FHIT: variants seen among roughly 807,000 people sequenced by gnomAD.
FHIT encodes bis(5'-adenosyl)-triphosphatase.
FHIT carries 19 observed loss-of-function variants against 17.9 expected under a neutral mutation model. The ratio of observed to expected loss-of-function variants is 1.06; its 90% CI spans 0.74 to 1.56. The LOEUF is 1.56. Among genes scored for constraint, FHIT ranks in the 40% most tolerant of loss-of-function variants. The probability of loss-of-function intolerance (pLI) is 0.00; values close to 1 mark genes in which losing one functional copy is unlikely to be tolerated. For synonymous variants in FHIT, 81 were observed against 69.7 expected (o/e 1.16, Z -0.81); for missense variants, 248 against 189.2 (o/e 1.31, Z -1.82).
At chr3:60,103,559 G>C (rs1394451559) in intron 5 of FHIT, among the ~76,000 whole-genome samples, 1 of 152,116 alleles carries the variant, frequency 6.6e-6, no homozygotes, top group Non-Finnish European at 1.5e-5. Context: ...ACAAGTAGAA[G>C]GTAAGGATTA....
intron 4 of FHIT, among the ~76,000 whole-genome samples, chr3:60,545,145 C>T (rs1362109542): frequency 6.6e-6 from 1 of 151,644 alleles, no homozygotes. Flanking sequence ...ATCCTTTTCA[C>T]ATAATACTGG....
intron 1 of FHIT, among the ~76,000 whole-genome samples, chr3:61,239,209 G>T (rs1243555384): frequency 6.6e-6 from 1 of 152,182 alleles, no homozygotes; most frequent in Non-Finnish European, 1.5e-5. Context: ...TCCAGGGACA[G>T]GAGCATTACC....
intron 3 of FHIT, among the ~76,000 whole-genome samples, chr3:60,954,207 A>T (rs534660452): frequency 6.2e-4 from 95 of 152,314 alleles, no homozygotes; most frequent in African/African-American, 2.2e-3. Context: ...AAGCATTCTG[A>T]CCTATACATA....
chr3:60,972,876 CTT>C (rs1468089710), intron 3 of FHIT, among the ~76,000 whole-genome samples: 1 of 152,118 alleles, frequency 6.6e-6, no homozygotes, highest in East Asian at 1.9e-4. Context: ...TTAAATTACA[CTT>C]ACTGTAATTT....
At chr3:59,790,285 G>A (rs576195195) in intron 8 of FHIT, among the ~76,000 whole-genome samples, 1 of 152,166 alleles carries the variant, frequency 6.6e-6, no homozygotes, top group Non-Finnish European at 1.5e-5. Flanking sequence ...TAAAAGGCAG[G>A]TGATAGCATT....
chr3:59,831,975 C>G (rs1049705828), intron 8 of FHIT, among the ~76,000 whole-genome samples: 4 of 152,094 alleles, frequency 2.6e-5, no homozygotes, highest in African/African-American at 9.7e-5. Flanking sequence ...CTCTCAACTA[C>G]TGGTCCTACT....
intron 5 of FHIT, among the ~76,000 whole-genome samples, chr3:60,440,255 C>T (rs1055083603): frequency 6.6e-6 from 1 of 152,058 alleles, no homozygotes; most frequent in Non-Finnish European, 1.5e-5. Context: ...GTCATCAGTT[C>T]CCAAGACTAG....
intron 3 of FHIT, among the ~76,000 whole-genome samples, chr3:60,937,828 CT>C (rs1708256728): frequency 6.6e-6 from 1 of 152,116 alleles, no homozygotes; most frequent in Admixed American, 6.5e-5. Flanking sequence ...TCCCAAAGTG[CT>C]GGGATTACAG....
intron 8 of FHIT, among the ~76,000 whole-genome samples, chr3:59,834,613 A>G (rs1034480609): frequency 2.0e-5 from 3 of 152,172 alleles, no homozygotes; most frequent in African/African-American, 7.2e-5. Flanking sequence ...CTGTATCCTC[A>G]CGTGGTGGAA....
chr3:60,166,325 TATTCCTATGTACA>T (rs1576236410), intron 5 of FHIT, among the ~76,000 whole-genome samples: 1 of 152,174 alleles, frequency 6.6e-6, no homozygotes, highest in East Asian at 1.9e-4. Flanking sequence ...ATGGGCCAAC[TATTCCTATGTACA>T]AATTGAAGAC....
Position 60,198,531 on chromosome 3 carries a change from G to A in FHIT, c.104-184379C>T, listed in dbSNP as rs762913334. ...AGGTGAGATATGCAAGATAGCTGTC[G>A]TGAGTTGTTTAATTTTCTTTTACTG... On this transcript the variant is annotated intron_variant, in intron 5 of 9. Coordinates refer to ENST00000492590, the MANE Select transcript of FHIT (RefSeq NM_002012.4). Among the ~76,000 whole-genome samples, 11 of 135,682 alleles carry A rather than the reference G, an allele frequency of 8.1e-5. No individual in the cohort carries two copies. In the East Asian group the frequency reaches 1.1e-3, roughly 13 times the overall value. 89.0% of individuals were successfully genotyped at this position (135,682 alleles called of 152,430 possible).
intron 8 of FHIT, among the ~76,000 whole-genome samples, chr3:59,916,300 G>C (rs964583189): frequency 4.6e-5 from 7 of 152,072 alleles, no homozygotes; most frequent in Admixed American, 2.6e-4. Flanking sequence ...TTATACCAGT[G>C]GTTTGCCAGG....
At chr3:61,100,966 G>A (rs2035801987) in intron 2 of FHIT, among the ~76,000 whole-genome samples, 1 of 152,178 alleles carries the variant, frequency 6.6e-6, no homozygotes, top group African/African-American at 2.4e-5. Context: ...TTAGCCCTTT[G>A]TCAGATGAAT....
chr3:60,577,627 A>G (rs1180543399), intron 4 of FHIT, among the ~76,000 whole-genome samples: 2 of 152,148 alleles, frequency 1.3e-5, no homozygotes, highest in African/African-American at 2.4e-5. Flanking sequence ...ATTCTTAAAA[A>G]ATTGTTTGCA....
chr3:60,142,721 A>G (rs1397151664), intron 5 of FHIT, among the ~76,000 whole-genome samples: 1 of 147,948 alleles, frequency 6.8e-6, no homozygotes, highest in African/African-American at 2.5e-5. Flanking sequence ...ATGGGATTTC[A>G]CTATGTTGCC....
intron 3 of FHIT, among the ~76,000 whole-genome samples, chr3:60,986,718 C>A (rs1710733125): frequency 6.6e-6 from 1 of 152,144 alleles, no homozygotes. Context: ...TCAGAGATAG[C>A]TTCACCACAC....
chr3:60,661,461 C>T (rs1444643206), intron 4 of FHIT, among the ~76,000 whole-genome samples: 1 of 152,074 alleles, frequency 6.6e-6, no homozygotes, highest in Non-Finnish European at 1.5e-5. Flanking sequence ...AACTGTTGGG[C>T]ATTTGGGATG....
intron 5 of FHIT, among the ~76,000 whole-genome samples, chr3:60,219,583 AACAG>A (rs555440308): frequency 9.7e-4 from 147 of 152,268 alleles, no homozygotes; most frequent in Non-Finnish European, 1.8e-3. Flanking sequence ...TATATAATTA[AACAG>A]ACAGAGGGCT....
intron 4 of FHIT, among the ~76,000 whole-genome samples, chr3:60,754,487 C>T (rs557301435): frequency 5.3e-5 from 8 of 152,104 alleles, no homozygotes; most frequent in Non-Finnish European, 8.8e-5. Context: ...TTATATTAGC[C>T]GGGCGTGGTG....
Sources: gnomAD v4.1 joint callset for allele counts (sites outside exome capture counted in the v4.1 genomes callset) on GRCh38, gnomAD v4.1.1 for gene constraint, MANE v1.5 for transcripts, NCBI Gene and HGNC (gene_info 2026-07-23, HGNC 2026-07-21) for gene names.